The following CDH12 variants were observed in gnomAD, a reference collection of about 807,000 sequenced individuals.
CDH12 encodes cadherin 12, also known as cadherin-12.
A neutral mutation model predicts 74.1 loss-of-function variants in CDH12; 41 were observed. The observed-to-expected ratio is 0.55, with a 90% confidence interval of 0.43 to 0.72. CDH12 has a LOEUF of 0.72. CDH12 is among the 30% of genes least tolerant of loss of function. The pLI is 0.00. For missense variants in CDH12, 945 were observed against 977.2 expected (o/e 0.97, Z 0.44); for synonymous variants, 399 against 355.0 (o/e 1.12, Z -1.39).
intron 3 of CDH12, among the ~76,000 whole-genome samples, chr5:22,327,020 T>A (rs565205626): frequency 2.6e-5 from 4 of 152,224 alleles, no homozygotes; most frequent in Non-Finnish European, 5.9e-5. Flanking sequence ...TTGGGGGATT[T>A]TTTTTTATTC....
chr5:22,664,502 A>G (rs1285883479), intron 1 of CDH12, among the ~76,000 whole-genome samples: 2 of 152,120 alleles, frequency 1.3e-5, no homozygotes, highest in Admixed American at 6.5e-5. Flanking sequence ...CTGTGATTCA[A>G]TTATCTCCAC....
chr5:22,314,939 G>GTT (rs1340897012), intron 3 of CDH12, among the ~76,000 whole-genome samples: 1 of 73,608 alleles, frequency 1.4e-5, no homozygotes, highest in African/African-American at 4.7e-5. Context: ...CCCTGGGTTG[G>GTT]TCTTTTTTTT....
intron 1 of CDH12, among the ~76,000 whole-genome samples, chr5:22,841,428 G>A (rs915299372): frequency 7.2e-5 from 11 of 152,254 alleles, no homozygotes; most frequent in East Asian, 1.9e-4. Flanking sequence ...CATTTTGGAC[G>A]TGTGAATTTG....
chr5:22,730,100 C>A (rs568697060), intron 1 of CDH12, among the ~76,000 whole-genome samples: 2 of 151,822 alleles, frequency 1.3e-5, no homozygotes, highest in East Asian at 3.9e-4. Context: ...GAAAATACAT[C>A]TTTTGAAATA....
At chr5:22,705,653 C>G (rs1378101907) in intron 1 of CDH12, among the ~76,000 whole-genome samples, 1 of 151,798 alleles carries the variant, frequency 6.6e-6, no homozygotes, top group Non-Finnish European at 1.5e-5. Context: ...TCCTCAAATT[C>G]AGTAAATGGT....
chr5:22,569,831 C>T (rs1407627465), intron 1 of CDH12, among the ~76,000 whole-genome samples: 1 of 152,106 alleles, frequency 6.6e-6, no homozygotes, highest in Non-Finnish European at 1.5e-5. Context: ...TTGAACTCTT[C>T]TAAGTCATCG....
At chr5:22,143,806 G>C (rs1448641342) in intron 4 of CDH12, 1 of 152,264 alleles carries the variant, frequency 6.6e-6, no homozygotes, top group Non-Finnish European at 1.5e-5. Context: ...TACTTGGCAT[G>C]TAAGAAATAG....
rs1221114402 is a variant in CDH12 at position 21,760,660 on chromosome 5, T to C, written c.1531A>G (p.Ser511Gly). 6.3e-7 allele frequency: 1 copy of C among 1,598,224 alleles called. No homozygotes were observed. Among genetic ancestry groups the C allele is most frequent in the South Asian group, 1.1e-5 (1 of 90,632 alleles). ...AKPGQIIQIVSAADRDLSPAG... is the reference protein window; with the variant it reads ...AKPGQIIQIVGAADRDLSPAG... ...GGTGAAAGATCTCGGTCTGCAGCAC[T>C]GACTATCTGAATTATCTGCAACAGA... Residue 511 changes from serine to glycine, a missense_variant, in exon 13 of 15, where the codon AGT (serine) becomes GGT (glycine). Ser to Gly is a moderately conservative substitution (Grantham distance 56, BLOSUM62 0). Transcript: ENST00000382254.
intron 5 of CDH12, among the ~76,000 whole-genome samples, chr5:21,997,605 C>A (rs1231500774): frequency 1.3e-5 from 2 of 152,052 alleles, no homozygotes; most frequent in African/African-American, 4.8e-5. Context: ...GATATTTCTC[C>A]ATGGAAAACT....
At chr5:21,989,797 T>C (rs1757670788) in intron 5 of CDH12, among the ~76,000 whole-genome samples, 1 of 152,166 alleles carries the variant, frequency 6.6e-6, no homozygotes, top group Admixed American at 6.5e-5. Flanking sequence ...CAGAATGAAA[T>C]GACCCTACAA....
At chr5:22,508,169 G>A (rs1319671523) in intron 1 of CDH12, among the ~76,000 whole-genome samples, 3 of 152,084 alleles carry the variant, frequency 2.0e-5, no homozygotes, top group Non-Finnish European at 2.9e-5. Context: ...TTAGAACATG[G>A]CTGTCTTTGG....
At chr5:22,434,111 G>C (rs1402483574) in intron 2 of CDH12, among the ~76,000 whole-genome samples, 4 of 152,104 alleles carry the variant, frequency 2.6e-5, no homozygotes, top group Non-Finnish European at 5.9e-5. Context: ...AGTGAGATGT[G>C]TCAGAAATGA....
At chr5:22,672,813 A>C (rs1740974209) in intron 1 of CDH12, among the ~76,000 whole-genome samples, 1 of 152,126 alleles carries the variant, frequency 6.6e-6, no homozygotes. Flanking sequence ...ATATTCCTCT[A>C]TTCTCTTATT....
At chr5:21,860,827 T>G in intron 6 of CDH12, among the ~76,000 whole-genome samples, 1 of 152,086 alleles carries the variant, frequency 6.6e-6, no homozygotes, top group East Asian at 1.9e-4. Context: ...TCCCTGCATT[T>G]GAGGTTTTGG....
At chr5:22,172,251 C>A (rs1378705732) in intron 4 of CDH12, 1 of 151,840 alleles carries the variant, frequency 6.6e-6, no homozygotes, top group Admixed American at 6.6e-5. Flanking sequence ...CCAAGGCAAA[C>A]TGACTTAATT....
intron 4 of CDH12, among the ~76,000 whole-genome samples, chr5:22,082,435 C>T (rs1742805347): frequency 6.6e-6 from 1 of 152,054 alleles, no homozygotes; most frequent in Non-Finnish European, 1.5e-5. Flanking sequence ...CTAAGTGACT[C>T]ATGGGTAGGG....
intron 2 of CDH12, among the ~76,000 whole-genome samples, chr5:22,491,622 C>CAAAAAAAAAAAAAAAAAAACAA (rs33936783): frequency 7.4e-6 from 1 of 135,638 alleles, no homozygotes; most frequent in Non-Finnish European, 1.5e-5. Context: ...AAAAAAAAAA[C>CAAAAAAAAAAAAAAAAAAACAA]AAAAAAAAAA....
rs188178024 is a variant in CDH12 at position 22,586,504 on chromosome 5, T to A, written c.-522-81140A>T. ...AAGTATAATAAAATATATATATATA[T>A]AAATAAAAATAAAACTTGAAGTAAA... On this transcript the variant is annotated intron_variant, in intron 1 of 14. Coordinates refer to ENST00000382254, the MANE Select transcript of CDH12 (RefSeq NM_004061.5). Among the ~76,000 whole-genome samples, 462 of 147,178 alleles carry A rather than the reference T, an allele frequency of 3.1e-3. 2 individuals carry two copies. The highest frequency in any genetic ancestry group is 0.025 in the Middle Eastern group (7 of 282).
At position 22,658,869 on chromosome 5, in the gene CDH12, G is replaced by T. The variant is rs190046783; in HGVS notation, c.-522-153505C>A. ...TAGGTACATTTCACTGAAGGAAATA[G>T]TCTTCCATCATACTACTACTTTCGT... On this transcript the variant is annotated intron_variant, in intron 1 of 14. Transcript: ENST00000382254. Among the ~76,000 whole-genome samples the T allele has an allele frequency of 3.0e-4, 45 of 152,284 alleles. No individual in the cohort carries two copies. The East Asian group carries it at 4.8e-3, about 16-fold the overall frequency.
Sources: gnomAD v4.1 joint callset for allele counts (sites outside exome capture counted in the v4.1 genomes callset) on GRCh38, gnomAD v4.1.1 for gene constraint, MANE v1.5 for transcripts, NCBI Gene and HGNC (gene_info 2026-07-23, HGNC 2026-07-21) for gene names.